Variants in SLC22A15 observed in about 807,000 individuals in gnomAD.
SLC22A15 encodes flipt 1.
In SLC22A15, 45 loss-of-function variants were observed where a neutral mutation model predicts 62.7. The observed-to-expected ratio is 0.72, with a 90% confidence interval of 0.56 to 0.92. The LOEUF (loss-of-function observed/expected upper bound fraction) is 0.92, where lower values mean the gene tolerates loss of function less well. SLC22A15 is among the 40% of genes least tolerant of loss of function. The pLI, the probability that SLC22A15 is intolerant of heterozygous loss-of-function variation, is 0.00. For synonymous variants in SLC22A15, 264 were observed against 267.0 expected, an observed-to-expected ratio of 0.99 and a Z score of 0.11; for missense variants, 622 against 665.6, an observed-to-expected ratio of 0.93 and a Z score of 0.72.
intron 5 of SLC22A15, among the ~76,000 whole-genome samples, chr1:116,030,046 T>C (rs1198253377): frequency 1.3e-5 from 2 of 152,250 alleles, no homozygotes; most frequent in African/African-American, 4.8e-5. Flanking sequence ...ATGTTTTACT[T>C]GATTATTTAT....
At chr1:116,021,282 C>T (rs190306402) in intron 4 of SLC22A15, among the ~76,000 whole-genome samples, 5 of 152,232 alleles carry the variant, frequency 3.3e-5, no homozygotes, top group Admixed American at 6.5e-5. Flanking sequence ...GTTTCACAGC[C>T]CTTTTTTGTT....
chr1:116,019,702 GTC>G lies in SLC22A15; in HGVS notation c.423_424del (p.Tyr142SerfsTer7). 6.2e-7 allele frequency: 1 copy of G among 1,612,752 alleles called. No individual in the cohort carries two copies. The highest frequency in any genetic ancestry group is 1.1e-5 in the South Asian group (1 of 90,714). Reference sequence around the variant, plus strand: ...TTCAGATCGCTTCGGAAGGAAAAAAGTCTATCTCACAGGTAATCTATTAGAGT... The same window carrying G: ...TTCAGATCGCTTCGGAAGGAAAAAAGTATCTCACAGGTAATCTATTAGAGT... ...QLSDRFGRKK[V>X]YLTGFALDIL... On this transcript the variant is annotated frameshift_variant, in exon 3 of 12. Transcript: ENST00000369503. LOFTEE classifies it high-confidence loss of function.
chr1:116,028,529 T>A (rs1342990204), intron 5 of SLC22A15, among the ~76,000 whole-genome samples: 1 of 102,676 alleles, frequency 9.7e-6, no homozygotes, highest in Non-Finnish European at 2.0e-5. Flanking sequence ...TCTGCTTTTT[T>A]TTTTTTTTTT....
chr1:116,038,111 G>A lies in SLC22A15; in HGVS notation c.1171+723G>A, dbSNP rs1486987607. On this transcript the variant is annotated intron_variant, in intron 8 of 11. Coordinates refer to ENST00000369503, the MANE Select transcript of SLC22A15 (RefSeq NM_018420.3). ...TGCCTTGGGAACTGTGTTTTTGGCCGTGATTTTCTAGAAGGAGGAGTGAGT... is the reference window on the plus strand; with the variant it reads ...TGCCTTGGGAACTGTGTTTTTGGCCATGATTTTCTAGAAGGAGGAGTGAGT... Among the ~76,000 whole-genome samples, 9 of 152,222 alleles carry A rather than the reference G, an allele frequency of 5.9e-5. No homozygotes were observed. In the East Asian group the frequency reaches 9.7e-4, roughly 16 times the overall value.
At chr1:116,026,441 G>A (rs1178476976) in intron 4 of SLC22A15, among the ~76,000 whole-genome samples, 1 of 151,548 alleles carries the variant, frequency 6.6e-6, no homozygotes, top group African/African-American at 2.4e-5. Flanking sequence ...AAAAAGGGAA[G>A]GAAGGAAAGA....
chr1:115,977,187 T>C (rs78189047), intron 1 of SLC22A15, among the ~76,000 whole-genome samples: 2,761 of 152,228 alleles, frequency 0.018, 34 homozygotes, highest in Middle Eastern at 0.065. Flanking sequence ...CTGCGCCGGG[T>C]GTCCTCTGCC....
intron 1 of SLC22A15, among the ~76,000 whole-genome samples, chr1:115,981,406 C>A (rs1186691933): frequency 1.3e-5 from 2 of 152,202 alleles, no homozygotes; most frequent in East Asian, 3.9e-4. Context: ...AATTAGCCCT[C>A]ACACAGTGGC....
chr1:115,991,829 A>T (rs537115902), intron 1 of SLC22A15, among the ~76,000 whole-genome samples: 36 of 152,350 alleles, frequency 2.4e-4, no homozygotes, highest in African/African-American at 8.7e-4. Flanking sequence ...TACAAGTGGG[A>T]TTGCCAATGA....
intron 4 of SLC22A15, among the ~76,000 whole-genome samples, chr1:116,021,261 A>G (rs894293454): frequency 2.6e-5 from 4 of 152,174 alleles, no homozygotes; most frequent in African/African-American, 7.2e-5. Context: ...ATTCTAGTTT[A>G]TTAAATTTTT....
At chr1:116,051,121 A>G (rs746930622) in intron 8 of SLC22A15, among the ~76,000 whole-genome samples, 26 of 152,242 alleles carry the variant, frequency 1.7e-4, no homozygotes, top group Non-Finnish European at 2.6e-4. Context: ...GGGTAGAATC[A>G]ATATTGTGAA....
rs901858159 is a variant in SLC22A15, at chr1:116,045,426, C to G, written c.1171+8038C>G. On this transcript the variant is annotated intron_variant, in intron 8 of 11. Transcript: ENST00000369503. Reference sequence around the variant, plus strand: ...ATCAAGGAAAAACAAAGTTGAAGAACTTAACTTACCTGATTATAAGACTTA... The same window carrying G: ...ATCAAGGAAAAACAAAGTTGAAGAAGTTAACTTACCTGATTATAAGACTTA... Among the ~76,000 whole-genome samples, 12 of 151,896 alleles carry G rather than the reference C, an allele frequency of 7.9e-5. 2 individuals carry two copies. Among genetic ancestry groups the G allele is most frequent in the Admixed American group, 7.2e-4 (11 of 15,266 alleles).
At chr1:116,024,021 T>G (rs1197970122) in intron 4 of SLC22A15, among the ~76,000 whole-genome samples, 2 of 152,184 alleles carry the variant, frequency 1.3e-5, no homozygotes, top group Non-Finnish European at 2.9e-5. Flanking sequence ...ATGAGGAATT[T>G]GTTTTTTACT....
intron 8 of SLC22A15, among the ~76,000 whole-genome samples, chr1:116,059,964 T>TA (rs1459530386): frequency 1.3e-5 from 2 of 152,222 alleles, no homozygotes; most frequent in Non-Finnish European, 2.9e-5. Context: ...ATACAAGTGT[T>TA]TTTTGAGATT....
chr1:116,056,271 C>G (rs562332347), intron 8 of SLC22A15, among the ~76,000 whole-genome samples: 90 of 149,380 alleles, frequency 6.0e-4, no homozygotes, highest in African/African-American at 2.1e-3. Flanking sequence ...AACAGACAAT[C>G]AGAGAGCCAA....
chr1:116,021,511 A>G (rs1557891374), intron 4 of SLC22A15, among the ~76,000 whole-genome samples: 1 of 152,224 alleles, frequency 6.6e-6, no homozygotes. Flanking sequence ...TAGGTTTGCA[A>G]TGATAACTTT....
At chr1:116,021,625 G>A (rs1656843019) in intron 4 of SLC22A15, among the ~76,000 whole-genome samples, 1 of 152,190 alleles carries the variant, frequency 6.6e-6, no homozygotes, top group Non-Finnish European at 1.5e-5. Flanking sequence ...ATGGAAATGT[G>A]TCTTTGGGAG....
chr1:116,011,445 T>C (rs1656251836), intron 2 of SLC22A15, among the ~76,000 whole-genome samples: 1 of 152,148 alleles, frequency 6.6e-6, no homozygotes, highest in African/African-American at 2.4e-5. Flanking sequence ...TGTATGCCCG[T>C]AAACCCACAA....
At chr1:115,983,128 C>G (rs113718199) in intron 1 of SLC22A15, among the ~76,000 whole-genome samples, 3 of 152,186 alleles carry the variant, frequency 2.0e-5, no homozygotes, top group African/African-American at 4.8e-5. Context: ...AAAAACATTT[C>G]CAAATATTTC....
intron 2 of SLC22A15, among the ~76,000 whole-genome samples, chr1:116,008,076 T>C (rs1656073690): frequency 6.6e-6 from 1 of 152,050 alleles, no homozygotes; most frequent in Non-Finnish European, 1.5e-5. Context: ...GAAGAGCCAA[T>C]GGGAGTATGC....
Sources: allele counts gnomAD v4.1 joint callset (sites outside exome capture counted in the v4.1 genomes callset), GRCh38; gene constraint gnomAD v4.1.1; transcripts MANE v1.5; gene names NCBI Gene and HGNC (gene_info 2026-07-23, HGNC 2026-07-21).